Variants in GSK3B observed in about 807,000 individuals in gnomAD.
GSK3B encodes the protein glycogen synthase kinase 3 beta.
In GSK3B, 15 loss-of-function variants were observed where a neutral mutation model predicts 56.4. The observed-to-expected ratio is 0.27, with a 90% CI of 0.18 to 0.41. GSK3B has a LOEUF of 0.41. GSK3B is among the 10% of genes least tolerant of loss of function. GSK3B has a pLI of 1.00. For synonymous variants in GSK3B, 181 were observed against 188.9 expected, an observed-to-expected ratio of 0.96 and a Z score of 0.34; for missense variants, 300 against 513.4, an observed-to-expected ratio of 0.58 and a Z score of 4.02.
chr3:119,916,261 A>C, intron 4 of GSK3B, 87 bp from the exon 5 acceptor site: 8 of 1,113,430 alleles, frequency 7.2e-6, no homozygotes, highest in Non-Finnish European at 1.0e-5. Context: ...ACAGATTCTC[A>C]GAAAAGAACA....
intron 7 of GSK3B, among the ~76,000 whole-genome samples, chr3:119,882,506 T>G (rs78288325): frequency 0.014 from 2,146 of 152,180 alleles, 21 homozygotes; most frequent in South Asian, 0.039. Context: ...TACACAACCC[T>G]CTATCCACAC....
intron 3 of GSK3B, among the ~76,000 whole-genome samples, chr3:119,930,080 TACACACACACACAC>T (rs71619762): frequency 6.3e-4 from 84 of 133,594 alleles, no homozygotes; most frequent in African/African-American, 1.0e-3. Flanking sequence ...TTCTGTCTCC[TACACACACACACAC>T]ACACACACAC....
At chr3:119,899,132 T>C (rs944443412) in intron 7 of GSK3B, among the ~76,000 whole-genome samples, 1 of 152,010 alleles carries the variant, frequency 6.6e-6, no homozygotes, top group Non-Finnish European at 1.5e-5. Context: ...ATGATGTCGA[T>C]GACTAACGGG....
chr3:119,977,055 T>G (rs2057415261), intron 2 of GSK3B, among the ~76,000 whole-genome samples: 1 of 152,146 alleles, frequency 6.6e-6, no homozygotes, highest in Non-Finnish European at 1.5e-5. Context: ...CCATTTTTTC[T>G]CAGTGGAACA....
chr3:119,921,894 T>C (rs936784003), intron 4 of GSK3B, among the ~76,000 whole-genome samples: 3 of 152,110 alleles, frequency 2.0e-5, no homozygotes, highest in Non-Finnish European at 4.4e-5. Flanking sequence ...TCTCAGTACT[T>C]GGGGAGTCCC....
At chr3:120,017,866 C>T (rs1154596) in intron 1 of GSK3B, among the ~76,000 whole-genome samples, 16,972 of 152,196 alleles carry the variant, frequency 0.11, 1,107 homozygotes, top group African/African-American at 0.19. Context: ...TTTCTACAGG[C>T]TTCTACTATA....
intron 2 of GSK3B, among the ~76,000 whole-genome samples, chr3:119,959,349 G>A (rs1055956029): frequency 6.6e-6 from 1 of 151,870 alleles, no homozygotes; most frequent in Non-Finnish European, 1.5e-5. Flanking sequence ...ATTTTTCTGT[G>A]TCTAATATAC....
At chr3:119,991,952 C>T (rs58340674) in intron 2 of GSK3B, among the ~76,000 whole-genome samples, 2,592 of 152,122 alleles carry the variant, frequency 0.017, 63 homozygotes, top group African/African-American at 0.059. Context: ...TAAGCCAAAA[C>T]TTCTGAAAGA....
At chr3:120,051,205 T>C (rs1269295076) in intron 1 of GSK3B, among the ~76,000 whole-genome samples, 2 of 150,676 alleles carry the variant, frequency 1.3e-5, no homozygotes, top group African/African-American at 4.9e-5. Flanking sequence ...TAAAACTGAA[T>C]AGGCTGGTTT....
intron 9 of GSK3B, among the ~76,000 whole-genome samples, chr3:119,858,617 T>C (rs535029915): frequency 3.3e-5 from 5 of 152,340 alleles, no homozygotes; most frequent in South Asian, 4.1e-4. Context: ...GTGTGTTCAC[T>C]GGAGTAGCAC....
intron 5 of GSK3B, among the ~76,000 whole-genome samples, chr3:119,914,234 A>AT (rs35664668): frequency 6.6e-6 from 1 of 152,018 alleles, no homozygotes; most frequent in Non-Finnish European, 1.5e-5. Flanking sequence ...AAGTAATAGT[A>AT]TTTTGTTCAA....
chr3:119,934,870 G>A (rs2056979651), intron 3 of GSK3B, among the ~76,000 whole-genome samples: 1 of 152,110 alleles, frequency 6.6e-6, no homozygotes, highest in East Asian at 1.9e-4. Context: ...GGAATTTAGG[G>A]ATTAGGGTAA....
At chr3:119,945,338 G>C (rs978620302) in intron 3 of GSK3B, among the ~76,000 whole-genome samples, 5 of 152,104 alleles carry the variant, frequency 3.3e-5, no homozygotes, top group Admixed American at 6.5e-5. Flanking sequence ...AAGCTCAAGA[G>C]AAAGTTCTGA....
rs1003234894 is a variant in GSK3B, at chr3:120,012,973, C to A, written c.89-10734G>T. ...AAAGTGCTGGGATTACAGGTGTGAA[C>A]CACTGTATCCAGTCTAGAATACAAT... On this transcript the variant is annotated intron_variant, in intron 1 of 10. Transcript: ENST00000264235. 6.6e-5 allele frequency among the ~76,000 whole-genome samples: 10 copies of A among 152,190 alleles called. 1 individual carries two copies. Among genetic ancestry groups the A allele is most frequent in the Non-Finnish European group, 1.2e-4 (8 of 68,032 alleles).
intron 1 of GSK3B, among the ~76,000 whole-genome samples, chr3:120,067,844 G>A (rs1447980221): frequency 6.6e-6 from 1 of 152,130 alleles, no homozygotes; most frequent in Non-Finnish European, 1.5e-5. Context: ...ATTGAAAGGA[G>A]AGTTAAAAAT....
chr3:120,063,756 C>T (rs1156530714), intron 1 of GSK3B, among the ~76,000 whole-genome samples: 1 of 146,324 alleles, frequency 6.8e-6, no homozygotes, highest in African/African-American at 2.6e-5. Flanking sequence ...AATCGCAGCA[C>T]TTTGGGAGGC....
chr3:120,073,926 A>G (rs1158783177), intron 1 of GSK3B, among the ~76,000 whole-genome samples: 2 of 152,262 alleles, frequency 1.3e-5, no homozygotes, highest in Non-Finnish European at 2.9e-5. Context: ...AAATCAACAA[A>G]CCCTTAGACT....
intron 3 of GSK3B, among the ~76,000 whole-genome samples, chr3:119,938,672 C>T (rs62264734): frequency 6.6e-6 from 1 of 151,782 alleles, no homozygotes; most frequent in Non-Finnish European, 1.5e-5. Flanking sequence ...GAATTCTATA[C>T]AATTATATAT....
At chr3:120,051,185 C>T (rs1262189791) in intron 1 of GSK3B, among the ~76,000 whole-genome samples, 2 of 147,510 alleles carry the variant, frequency 1.4e-5, no homozygotes, top group Admixed American at 6.8e-5. Context: ...GAGAACAGGA[C>T]GTTGGGACAT....
Sources: allele counts gnomAD v4.1 joint callset (sites outside exome capture counted in the v4.1 genomes callset), GRCh38; gene constraint gnomAD v4.1.1; transcripts MANE v1.5; gene names NCBI Gene and HGNC (gene_info 2026-07-23, HGNC 2026-07-21).